ODAD1: variants seen among roughly 807,000 people sequenced by gnomAD.
ODAD1 encodes outer dynein arm docking complex subunit 1.
A neutral mutation model predicts 67.2 loss-of-function variants in ODAD1; 49 were observed. The ratio of observed to expected loss-of-function variants is 0.73; its 90% CI spans 0.58 to 0.92. The LOEUF (loss-of-function observed/expected upper bound fraction) is 0.92, where lower values mean the gene tolerates loss of function less well. Ranked by LOEUF, ODAD1 falls within the 40% of genes least tolerant of loss-of-function variation. ODAD1 has a pLI of 0.00. For synonymous variants in ODAD1, 345 were observed against 393.7 expected, an observed-to-expected ratio of 0.88 and a Z score of 1.46; for missense variants, 897 against 953.7, an observed-to-expected ratio of 0.94 and a Z score of 0.78.
intron 2 of ODAD1, 93 bp from the exon 3 acceptor site, chr19:48,320,484 A>G (rs1569013931): frequency 1.5e-6 from 1 of 655,924 alleles, no homozygotes; most frequent in East Asian, 8.0e-5. Context: ...GGGAATTGAA[A>G]GGGGGTGACC....
In ODAD1 at chr19:48,308,391, G is replaced by A. The variant is rs1968672967; in HGVS notation, c.598-2068C>T. 2.6e-5 allele frequency among the ~76,000 whole-genome samples: 4 copies of A among 151,988 alleles called. No homozygotes were observed. In the South Asian group the frequency reaches 8.3e-4, roughly 32 times the overall value. ...GGGTTTCACCATGTTAGCCAGGCTGGTCTCGAACTCCTGACCTCAGGTGAT... is the reference window on the plus strand; with the variant it reads ...GGGTTTCACCATGTTAGCCAGGCTGATCTCGAACTCCTGACCTCAGGTGAT... On this transcript the variant is annotated intron_variant, in intron 7 of 15. Transcript: ENST00000674294.
At position 48,321,942 on chromosome 19, in the gene ODAD1, C is replaced by A. The variant is rs1026696993; in HGVS notation, c.-328G>T. 1 of 395,076 alleles carries A rather than the reference C, an allele frequency of 2.5e-6. No homozygotes were observed. Among genetic ancestry groups the A allele is most frequent in the South Asian group, 1.3e-4 (1 of 7,648 alleles). The allele number at this position is 395,076 out of a possible 1,614,324, so 24.5% of individuals were successfully genotyped here. On this transcript the variant is annotated 5_prime_UTR_variant, in exon 1 of 16. Transcript: ENST00000674294. ...CGGGAAGCAGCCAAAAACGCTTGGC[C>A]GCCTACCACGTCCGCGCGCTGGAGG...
intron 8 of ODAD1, among the ~76,000 whole-genome samples, chr19:48,304,609 A>C (rs1159288215): frequency 1.7e-5 from 1 of 57,176 alleles, no homozygotes; most frequent in Non-Finnish European, 3.5e-5. Flanking sequence ...GCAAGAGCGA[A>C]ACTGTCTCAA....
intron 5 of ODAD1, among the ~76,000 whole-genome samples, chr19:48,314,627 G>C (rs185622802): frequency 2.0e-5 from 3 of 152,236 alleles, no homozygotes; most frequent in Non-Finnish European, 4.4e-5. Context: ...ATTTTCAGCA[G>C]TTGCTGCAAT....
At chr19:48,300,022 G>A (rs999505079) in intron 12 of ODAD1, among the ~76,000 whole-genome samples, 11 of 149,730 alleles carry the variant, frequency 7.3e-5, no homozygotes, top group African/African-American at 2.4e-4. Context: ...AAAAAAAAAA[G>A]GGCCGGGCAC....
Position 48,318,730 on chromosome 19 carries a change from C to T in ODAD1, c.153G>A (p.Gln51=). ...ERRAYSKEVH[Q]RINKQLEEIR... Reference sequence around the variant, plus strand: ...CAGCTCACAGTTGCTTGTTGATGCGCTGGTGGACTTCCTTGCTGTAGGCCC... The same window carrying T: ...CAGCTCACAGTTGCTTGTTGATGCGTTGGTGGACTTCCTTGCTGTAGGCCC... Residue 51 remains glutamine (Q), a synonymous_variant, in exon 4 of 16, where the codon CAG becomes CAA. Coordinates refer to ENST00000674294, the MANE Select transcript of ODAD1 (RefSeq NM_001364171.2). The T allele has an allele frequency of 6.4e-7, 1 of 1,551,014 alleles. No individual in the cohort carries two copies. The highest frequency in any genetic ancestry group is 8.7e-7 in the Non-Finnish European group (1 of 1,146,450).
chr19:48,310,988 G>A (rs1052758922), intron 7 of ODAD1, among the ~76,000 whole-genome samples: 3 of 152,092 alleles, frequency 2.0e-5, no homozygotes, highest in Non-Finnish European at 4.4e-5. Flanking sequence ...CGAGGAAGGC[G>A]GATCACGAGG....
chr19:48,304,203 G>A (rs1968548273), intron 8 of ODAD1, 63 bp from the exon 9 acceptor site: 4 of 1,494,680 alleles, frequency 2.7e-6, no homozygotes, highest in African/African-American at 2.8e-5. Context: ...TGGGGTCCTG[G>A]GGATGGGCGG....
chr19:48,303,844 T>C, intron 9 of ODAD1, 60 bp from the exon 10 acceptor site: 1 of 1,576,340 alleles, frequency 6.3e-7, no homozygotes, highest in Non-Finnish European at 8.6e-7. Flanking sequence ...AGAGACCTCC[T>C]GGGTGAGGGG....
rs1256414652 is a variant in ODAD1 at position 48,303,099 on chromosome 19, G to A, written c.989-4C>T. The A allele has an allele frequency of 6.2e-7, 1 of 1,611,920 alleles. No individual in the cohort carries two copies. The highest frequency in any genetic ancestry group is 1.1e-5 in the South Asian group (1 of 91,064). On this transcript the variant is annotated splice_region_variant and splice_polypyrimidine_tract_variant and intron_variant, in intron 10 of 15. Coordinates refer to ENST00000674294, the MANE Select transcript of ODAD1 (RefSeq NM_001364171.2). ...TCAGCAAAGTTGCGCTCCTCGACTG[G>A]GAGAGTTGGGCAAGGCGGGGCCCAG... is the stretch of plus-strand genomic sequence containing the variant.
intron 8 of ODAD1, among the ~76,000 whole-genome samples, chr19:48,305,626 G>T (rs1473542067): frequency 6.6e-6 from 1 of 151,896 alleles, no homozygotes; most frequent in South Asian, 2.1e-4. Flanking sequence ...GGCTGGTCTC[G>T]AACTCCTGAG....
chr19:48,300,245 G>A (rs1199433921), intron 12 of ODAD1, among the ~76,000 whole-genome samples: 1 of 152,138 alleles, frequency 6.6e-6, no homozygotes. Context: ...AGAGGTTGCA[G>A]TGAGCCGAGA....
chr19:48,299,613 G>A (rs1186909185), intron 12 of ODAD1, among the ~76,000 whole-genome samples: 2 of 151,044 alleles, frequency 1.3e-5, no homozygotes, highest in Non-Finnish European at 3.0e-5. Context: ...AGACCAGCCT[G>A]ACCAACATGG....
chr19:48,299,435 T>C (rs1412359436), intron 12 of ODAD1, among the ~76,000 whole-genome samples: 2 of 151,822 alleles, frequency 1.3e-5, no homozygotes, highest in African/African-American at 4.8e-5. Flanking sequence ...AAGCTAACAA[T>C]AAATGTTTTA....
At chr19:48,307,603 C>G (rs1160161010) in intron 7 of ODAD1, among the ~76,000 whole-genome samples, 1 of 152,020 alleles carries the variant, frequency 6.6e-6, no homozygotes, top group Non-Finnish European at 1.5e-5. Context: ...ATCACGAGGT[C>G]AGGAGATCGA....
intron 5 of ODAD1, among the ~76,000 whole-genome samples, chr19:48,315,627 C>A (rs1385682024): frequency 1.3e-5 from 2 of 152,140 alleles, no homozygotes; most frequent in African/African-American, 4.8e-5. Flanking sequence ...TTTCCTCATG[C>A]CCTTTTGTAT....
chr19:48,317,052 A>G (rs1415962466), intron 5 of ODAD1, among the ~76,000 whole-genome samples: 1 of 152,072 alleles, frequency 6.6e-6, no homozygotes, highest in Admixed American at 6.6e-5. Context: ...CTGGAGTGCA[A>G]CGGGGCAATC....
At chr19:48,299,235 C>G (rs1600856839) in intron 12 of ODAD1, among the ~76,000 whole-genome samples, 2 of 151,892 alleles carry the variant, frequency 1.3e-5, no homozygotes. Flanking sequence ...ATGGTGAAAC[C>G]CTGTCTCTAC....
chr19:48,297,543 C>T lies in ODAD1; in HGVS notation c.1582-25G>A, dbSNP rs778806451. On this transcript the variant is annotated intron_variant, in intron 15 of 15. Coordinates refer to ENST00000674294, the MANE Select transcript of ODAD1 (RefSeq NM_001364171.2). ...CCTGCAGGGAAGGTGAACTGGGCCC[C>T]GACACACACTGAGGCCTGGCCCCAC... The T allele has an allele frequency of 8.1e-6, 13 of 1,597,310 alleles. No homozygotes were observed. In the South Asian group the frequency reaches 1.1e-4, roughly 14 times the overall value.
Sources: gnomAD v4.1 joint callset for allele counts (sites outside exome capture counted in the v4.1 genomes callset) on GRCh38, gnomAD v4.1.1 for gene constraint, MANE v1.5 for transcripts, NCBI Gene and HGNC (gene_info 2026-07-23, HGNC 2026-07-21) for gene names.